MRPL42: variants seen among roughly 807,000 people sequenced by gnomAD.
MRPL42 encodes mitochondrial ribosomal protein L42, also known as large ribosomal subunit protein mL42.
MRPL42 carries 17 observed loss-of-function variants against 17.9 expected under a neutral mutation model. That is an observed-to-expected ratio of 0.95 (90% CI 0.65 to 1.42). The LOEUF is 1.42. MRPL42 is among the 40% of genes most tolerant of loss of function. MRPL42 has a pLI of 0.00. For synonymous variants in MRPL42, 59 were observed against 54.4 expected, an observed-to-expected ratio of 1.08 and a Z score of -0.37; for missense variants, 177 against 175.2, an observed-to-expected ratio of 1.01 and a Z score of -0.06.
chr12:93,497,479 AC>A (rs1045769837), intron 5 of MRPL42, among the ~76,000 whole-genome samples: 2 of 152,150 alleles, frequency 1.3e-5, no homozygotes, highest in African/African-American at 4.8e-5. Context: ...AAAACAAAAA[AC>A]ATATGATCAT....
intron 5 of MRPL42, among the ~76,000 whole-genome samples, chr12:93,497,482 TATG>T (rs905638054): frequency 8.5e-4 from 129 of 152,102 alleles, no homozygotes; most frequent in African/African-American, 2.9e-3. Flanking sequence ...ACAAAAAACA[TATG>T]ATCATTTCAG....
At chr12:93,485,766 A>T (rs1339446894) in intron 4 of MRPL42, among the ~76,000 whole-genome samples, 1 of 152,108 alleles carries the variant, frequency 6.6e-6, no homozygotes, top group Non-Finnish European at 1.5e-5. Flanking sequence ...TAATATTTAA[A>T]ATATAGGTAA....
intron 2 of MRPL42, chr12:93,470,614 A>C: frequency 8.6e-7 from 1 of 1,156,652 alleles, no homozygotes; most frequent in Non-Finnish European, 1.1e-6. Context: ...TCTTCCCTCC[A>C]TCCCTCCATT....
rs1363415360 is a variant in MRPL42 at position 93,467,542 on chromosome 12, A to C, written c.-107A>C. On this transcript the variant is annotated 5_prime_UTR_variant, in exon 1 of 6. It removes the in-frame stop codon of an upstream open reading frame in the 5' UTR. Transcript: ENST00000549982. ...GAAACAAGATGGCGGGTTCGTGGTGAGAAGCCGTCAAGGTAACCGCTTCCC... is the reference window on the plus strand; with the variant it reads ...GAAACAAGATGGCGGGTTCGTGGTGCGAAGCCGTCAAGGTAACCGCTTCCC... 6.5e-6 allele frequency: 1 copy of C among 152,672 alleles called. No individual in the cohort carries two copies. The highest frequency in any genetic ancestry group is 1.5e-5 in the Non-Finnish European group (1 of 68,076). 9.5% of individuals were successfully genotyped at this position (152,672 alleles called of 1,614,324 possible). A position where few individuals can be genotyped will look rare whatever the true frequency, so the allele number is the denominator to read the frequency against.
chr12:93,505,364 T>C lies in MRPL42; in HGVS notation c.*4143T>C, dbSNP rs1953658015. The C allele has an allele frequency of 6.6e-6, 1 of 152,156 alleles. No homozygotes were observed. Among genetic ancestry groups the C allele is most frequent in the South Asian group, 2.1e-4 (1 of 4,834 alleles). The allele number at this position is 152,156 out of a possible 1,614,324, so 9.4% of individuals were successfully genotyped here. The stretch of plus-strand genomic sequence containing the variant: ...TACTTTTTCAGTTTCAATGTGTATT[T>C]TTAAAATTTCCAGAAGATGAGTTGA... On this transcript the variant is annotated 3_prime_UTR_variant, in exon 6 of 6. Coordinates refer to ENST00000549982, the MANE Select transcript of MRPL42 (RefSeq NM_014050.4).
rs137908375 is a variant in MRPL42, at chr12:93,504,045, T to C, written c.*2824T>C. 1.6e-4 allele frequency: 25 copies of C among 153,258 alleles called. No individual in the cohort carries two copies. Among genetic ancestry groups the C allele is most frequent in the African/African-American group, 5.3e-4 (22 of 41,254 alleles). 9.5% of individuals were successfully genotyped at this position (153,258 alleles called of 1,614,324 possible). On this transcript the variant is annotated 3_prime_UTR_variant, in exon 6 of 6. Coordinates refer to ENST00000549982, the MANE Select transcript of MRPL42 (RefSeq NM_014050.4). ...ATCTCATCAGAAGCTGGCAAGATCA[T>C]TACTGTTTTCTTAGATTTGTTTCTG... is the stretch of plus-strand genomic sequence containing the variant.
intron 4 of MRPL42, among the ~76,000 whole-genome samples, chr12:93,485,614 A>G (rs1251147063): frequency 1.3e-5 from 2 of 152,328 alleles, no homozygotes; most frequent in African/African-American, 4.8e-5. Flanking sequence ...ATTGTATTAT[A>G]ATACATACAT....
intron 2 of MRPL42, among the ~76,000 whole-genome samples, chr12:93,476,695 C>T (rs1880199381): frequency 6.6e-6 from 1 of 152,152 alleles, no homozygotes; most frequent in East Asian, 1.9e-4. Context: ...TCTGTGTGGC[C>T]CATCTTTGCC....
intron 3 of MRPL42, among the ~76,000 whole-genome samples, chr12:93,478,231 C>T (rs1880278285): frequency 6.6e-6 from 1 of 151,486 alleles, no homozygotes; most frequent in Non-Finnish European, 1.5e-5. Context: ...ACAAGGATTA[C>T]AGGTGTGAGC....
intron 2 of MRPL42, among the ~76,000 whole-genome samples, chr12:93,474,375 G>A (rs1163095311): frequency 6.7e-6 from 1 of 149,424 alleles, no homozygotes; most frequent in East Asian, 2.0e-4. Flanking sequence ...GCTGGATCAA[G>A]CGATCCTGCT....
chr12:93,480,458 G>C (rs1258066104), intron 4 of MRPL42, among the ~76,000 whole-genome samples: 1 of 151,134 alleles, frequency 6.6e-6, no homozygotes, highest in East Asian at 2.0e-4. Context: ...GATGGTTTAA[G>C]TCATCACATG....
At chr12:93,482,911 A>T (rs1880530659) in intron 4 of MRPL42, among the ~76,000 whole-genome samples, 1 of 140,162 alleles carries the variant, frequency 7.1e-6, no homozygotes, top group Non-Finnish European at 1.5e-5. Flanking sequence ...TTTTTTTTTG[A>T]GACAGAGTCT....
intron 2 of MRPL42, among the ~76,000 whole-genome samples, chr12:93,469,946 C>T (rs142384772): frequency 1.9e-4 from 29 of 150,218 alleles, no homozygotes; most frequent in African/African-American, 5.4e-4. Flanking sequence ...TTCTCTTGTT[C>T]GATTACATGT....
chr12:93,502,508 G>A lies in MRPL42; in HGVS notation c.*1287G>A, dbSNP rs1013102779. Reference sequence around the variant, plus strand: ...AAAGGAACTCTAGAAGTTTCAAGTGGCCAGTGAAGTGTGAGGAATAGAGAG... The same window carrying A: ...AAAGGAACTCTAGAAGTTTCAAGTGACCAGTGAAGTGTGAGGAATAGAGAG... On this transcript the variant is annotated 3_prime_UTR_variant, in exon 6 of 6. Coordinates refer to ENST00000549982, the MANE Select transcript of MRPL42 (RefSeq NM_014050.4). 2 of 152,028 alleles carry A rather than the reference G, an allele frequency of 1.3e-5. No homozygotes were observed. Among genetic ancestry groups the A allele is most frequent in the East Asian group, 1.9e-4 (1 of 5,198 alleles). 9.4% of individuals were successfully genotyped at this position (152,028 alleles called of 1,614,324 possible). A position where few individuals can be genotyped will look rare whatever the true frequency, so the allele number is the denominator to read the frequency against.
intron 5 of MRPL42, among the ~76,000 whole-genome samples, chr12:93,491,620 A>AT (rs976959548): frequency 1.3e-4 from 19 of 151,568 alleles, no homozygotes; most frequent in East Asian, 3.9e-4. Flanking sequence ...TAAGATAAGG[A>AT]TTTTTTTTTT....
At chr12:93,500,014 G>A (rs755384575) in intron 5 of MRPL42, among the ~76,000 whole-genome samples, 4 of 152,150 alleles carry the variant, frequency 2.6e-5, no homozygotes, top group Non-Finnish European at 4.4e-5. Context: ...TGTACTCTGT[G>A]CAGAAATGTT....
At chr12:93,481,868 T>A (rs982698721) in intron 4 of MRPL42, among the ~76,000 whole-genome samples, 4 of 152,270 alleles carry the variant, frequency 2.6e-5, no homozygotes, top group Non-Finnish European at 5.9e-5. Context: ...TTTTTCACAG[T>A]CCCTCATGTA....
intron 4 of MRPL42, among the ~76,000 whole-genome samples, chr12:93,481,839 C>T (rs944306891): frequency 1.3e-5 from 2 of 152,200 alleles, no homozygotes; most frequent in Non-Finnish European, 2.9e-5. Flanking sequence ...TTGTAACCTA[C>T]ATCGATTGAT....
rs1278226523 is a variant in MRPL42 at position 93,506,780 on chromosome 12, C to T, written c.*5559C>T. ...AAAGTACATTGGATTACTATTATGC[C>T]ACTTACTTGAATAATTGTCTTGATG... On this transcript the variant is annotated 3_prime_UTR_variant, in exon 6 of 6. Transcript: ENST00000549982. 3 of 152,076 alleles carry T rather than the reference C, an allele frequency of 2.0e-5. No individual in the cohort carries two copies. The East Asian group carries it at 5.8e-4, about 29-fold the overall frequency. The allele number at this position is 152,076 out of a possible 1,614,324, so 9.4% of individuals were successfully genotyped here. A position where few individuals can be genotyped will look rare whatever the true frequency, so the allele number is the denominator to read the frequency against.
Sources: allele counts gnomAD v4.1 joint callset (sites outside exome capture counted in the v4.1 genomes callset), GRCh38; gene constraint gnomAD v4.1.1; transcripts MANE v1.5; gene names NCBI Gene and HGNC (gene_info 2026-07-23, HGNC 2026-07-21).